Variants in ARSB observed in about 807,000 individuals in gnomAD.
ARSB encodes the protein N-acetylgalactosamine-4-sulfatase.
Under a neutral mutation model 50.9 loss-of-function variants are expected in ARSB, and 41 were observed. The ratio of observed to expected loss-of-function variants is 0.81; its 90% CI spans 0.63 to 1.04. ARSB has a LOEUF of 1.04. ARSB is among the 50% of genes least tolerant of loss of function. The pLI is 0.00. For missense variants in ARSB, 672 were observed against 693.3 expected, an observed-to-expected ratio of 0.97 and a Z score of 0.35; for synonymous variants, 269 against 284.8, an observed-to-expected ratio of 0.94 and a Z score of 0.56.
chr5:78,917,875 G>A (rs1466673579), intron 4 of ARSB, among the ~76,000 whole-genome samples: 1 of 152,186 alleles, frequency 6.6e-6, no homozygotes, highest in African/African-American at 2.4e-5. Context: ...AGGAAGACTA[G>A]ATATACTTCA....
chr5:78,834,595 G>GTA (rs1322159863), intron 6 of ARSB, among the ~76,000 whole-genome samples: 4 of 80,130 alleles, frequency 5.0e-5, no homozygotes, highest in South Asian at 8.4e-4. Context: ...CTATTTCATG[G>GTA]TATATATATG....
At chr5:78,796,767 C>A (rs941143076) in intron 6 of ARSB, among the ~76,000 whole-genome samples, 1 of 152,142 alleles carries the variant, frequency 6.6e-6, no homozygotes, top group African/African-American at 2.4e-5. Flanking sequence ...GATTCTCCTG[C>A]CTCAGCCTCC....
chr5:78,899,174 C>T (rs337875), intron 4 of ARSB, among the ~76,000 whole-genome samples: 109,344 of 152,092 alleles, frequency 0.72, 40,068 homozygotes, highest in East Asian at 0.98. Context: ...TAGAGTAATC[C>T]GTTGCCACAT....
chr5:78,906,294 C>T (rs922638684), intron 4 of ARSB, among the ~76,000 whole-genome samples: 1 of 152,100 alleles, frequency 6.6e-6, no homozygotes, highest in Non-Finnish European at 1.5e-5. Context: ...GGTTACACCA[C>T]TGTACTCCAG....
chr5:78,900,121 C>G (rs1748736334), intron 4 of ARSB, among the ~76,000 whole-genome samples: 1 of 152,152 alleles, frequency 6.6e-6, no homozygotes, highest in South Asian at 2.1e-4. Flanking sequence ...GTTCTACAGG[C>G]TCCTAGGCAG....
chr5:78,899,951 T>C (rs1758601605), intron 4 of ARSB, among the ~76,000 whole-genome samples: 1 of 152,212 alleles, frequency 6.6e-6, no homozygotes, highest in Non-Finnish European at 1.5e-5. Flanking sequence ...GCTTGTTTTG[T>C]CTTTCATTGA....
chr5:78,787,138 A>ATCTATCTATTTATCTATCTATCTATT (rs3035252), intron 6 of ARSB, among the ~76,000 whole-genome samples: 14 of 112,272 alleles, frequency 1.2e-4, no homozygotes, highest in African/African-American at 4.1e-4. Context: ...ATCTATCTAT[A>ATCTATCTATTTATCTATCTATCTATT]TAGATACAGG....
At chr5:78,795,662 G>C (rs1743152344) in intron 6 of ARSB, among the ~76,000 whole-genome samples, 2 of 152,158 alleles carry the variant, frequency 1.3e-5, no homozygotes, top group African/African-American at 2.4e-5. Flanking sequence ...ACACGAAACA[G>C]GAGTGTTGGG....
chr5:78,791,243 C>T (rs1051571271), intron 6 of ARSB, among the ~76,000 whole-genome samples: 2 of 152,194 alleles, frequency 1.3e-5, no homozygotes, highest in South Asian at 2.1e-4. Flanking sequence ...GAAATTCTGT[C>T]GAGTATGTTT....
intron 4 of ARSB, among the ~76,000 whole-genome samples, chr5:78,914,005 C>T (rs1230805030): frequency 6.6e-6 from 1 of 150,638 alleles, no homozygotes; most frequent in Non-Finnish European, 1.5e-5. Context: ...CTTTATCACC[C>T]AGGCAGGAGT....
At chr5:78,976,718 G>A (rs1317225975) in intron 1 of ARSB, among the ~76,000 whole-genome samples, 1 of 152,164 alleles carries the variant, frequency 6.6e-6, no homozygotes, top group East Asian at 1.9e-4. Context: ...CTTAAAATAT[G>A]CCCATTTAGA....
intron 6 of ARSB, among the ~76,000 whole-genome samples, chr5:78,783,074 C>T (rs1419329824): frequency 6.6e-6 from 1 of 152,092 alleles, no homozygotes; most frequent in Non-Finnish European, 1.5e-5. Flanking sequence ...CTACTTATGC[C>T]TATGGTTGAG....
intron 4 of ARSB, among the ~76,000 whole-genome samples, chr5:78,904,834 G>A (rs781778490): frequency 2.6e-5 from 4 of 151,786 alleles, no homozygotes; most frequent in African/African-American, 7.3e-5. Flanking sequence ...GACGACAGGC[G>A]TGTGCCACCA....
At chr5:78,801,487 C>T (rs1279176795) in intron 6 of ARSB, among the ~76,000 whole-genome samples, 2 of 152,182 alleles carry the variant, frequency 1.3e-5, no homozygotes, top group Non-Finnish European at 2.9e-5. Context: ...AGATGAATTG[C>T]ATGACATTAG....
intron 6 of ARSB, among the ~76,000 whole-genome samples, chr5:78,826,459 G>A (rs950939338): frequency 3.3e-5 from 5 of 152,064 alleles, no homozygotes; most frequent in Admixed American, 6.6e-5. Context: ...GTCTGCCCTC[G>A]TGGAACTTGT....
chr5:78,893,876 TA>T (rs1748448661), intron 4 of ARSB, among the ~76,000 whole-genome samples: 1 of 152,236 alleles, frequency 6.6e-6, no homozygotes, highest in African/African-American at 2.4e-5. Context: ...TTTTAACAAC[TA>T]AAACCCTGTT....
At chr5:78,844,559 T>C (rs148564860) in intron 5 of ARSB, among the ~76,000 whole-genome samples, 10 of 152,304 alleles carry the variant, frequency 6.6e-5, no homozygotes, top group African/African-American at 2.2e-4. Context: ...GTTCGACTTA[T>C]GTATTTTCTC....
chr5:78,892,453 G>A (rs907160010), intron 4 of ARSB, among the ~76,000 whole-genome samples: 2 of 151,730 alleles, frequency 1.3e-5, no homozygotes, highest in African/African-American at 2.4e-5. Context: ...ACAGGGTTTC[G>A]CCTTGTCGGC....
chr5:78,882,110 C>T (rs1747777192), intron 5 of ARSB, among the ~76,000 whole-genome samples: 1 of 152,234 alleles, frequency 6.6e-6, no homozygotes, highest in Non-Finnish European at 1.5e-5. Context: ...GTTGGACCCG[C>T]TCTGGAATGG....
Sources: allele counts gnomAD v4.1 joint callset (sites outside exome capture counted in the v4.1 genomes callset), GRCh38; gene constraint gnomAD v4.1.1; transcripts MANE v1.5; gene names NCBI Gene and HGNC (gene_info 2026-07-23, HGNC 2026-07-21).